Variants in MAP2 observed in about 807,000 individuals in gnomAD.
MAP2 encodes microtubule-associated protein 2.
MAP2 carries 14 observed loss-of-function variants against 137.6 expected under a neutral mutation model. The observed-to-expected ratio is 0.10, with a 90% CI of 0.07 to 0.16. The LOEUF is 0.16. Among genes scored for constraint, MAP2 ranks in the 10% least tolerant of loss-of-function variants. The probability of loss-of-function intolerance (pLI) is 1.00; values close to 1 mark genes in which losing one functional copy is unlikely to be tolerated. For missense variants in MAP2, 2,088 were observed against 2,191.5 expected, an observed-to-expected ratio of 0.95 and a Z score of 0.94; for synonymous variants, 786 against 782.3, an observed-to-expected ratio of 1.00 and a Z score of -0.08.
At chr2:209,621,659 C>T (rs2091237076) in intron 3 of MAP2, among the ~76,000 whole-genome samples, 1 of 152,148 alleles carries the variant, frequency 6.6e-6, no homozygotes, top group Admixed American at 6.6e-5. Context: ...TATCCTGGCT[C>T]AACAATCCAG....
intron 1 of MAP2, among the ~76,000 whole-genome samples, chr2:209,489,126 G>A (rs1195933058): frequency 6.6e-6 from 1 of 152,186 alleles, no homozygotes; most frequent in Non-Finnish European, 1.5e-5. Context: ...TGCAACCTTC[G>A]CTGATGATAC....
At chr2:209,521,685 A>T (rs2063309779) in intron 2 of MAP2, among the ~76,000 whole-genome samples, 1 of 152,072 alleles carries the variant, frequency 6.6e-6, no homozygotes, top group Admixed American at 6.6e-5. Context: ...CCTCTCAAAG[A>T]TAACATCAAA....
intron 12 of MAP2, among the ~76,000 whole-genome samples, chr2:209,709,392 A>C (rs1414266446): frequency 6.6e-6 from 1 of 152,146 alleles, no homozygotes; most frequent in Non-Finnish European, 1.5e-5. Flanking sequence ...CAGTATAAGG[A>C]TATAATATTG....
intron 2 of MAP2, among the ~76,000 whole-genome samples, chr2:209,563,988 C>G (rs1163574524): frequency 6.6e-6 from 1 of 152,020 alleles, no homozygotes; most frequent in Non-Finnish European, 1.5e-5. Context: ...GTTATAAATA[C>G]CATCTTGGAA....
chr2:209,549,971 G>GAAAA (rs2068841247), intron 2 of MAP2, among the ~76,000 whole-genome samples: 4 of 152,180 alleles, frequency 2.6e-5, no homozygotes, highest in Admixed American at 2.6e-4. Flanking sequence ...TCAAATGATG[G>GAAAA]AAAAGGTACT....
Position 209,696,480 on chromosome 2 carries a change from G to C in MAP2, c.4181-62G>C, listed in dbSNP as rs1309067403. 3.3e-6 allele frequency: 5 copies of C among 1,509,550 alleles called. No homozygotes were observed. The East Asian group carries it at 1.1e-4, about 34-fold the overall frequency. 93.5% of individuals were successfully genotyped at this position (1,509,550 alleles called of 1,614,324 possible). A position where few individuals can be genotyped will look rare whatever the true frequency, so the allele number is the denominator to read the frequency against. Reference sequence around the variant, plus strand: ...TTTTGTTAAATATACAAAGGATTTTGTACACTTGTTACTAATGTTTTCACT... The same window carrying C: ...TTTTGTTAAATATACAAAGGATTTTCTACACTTGTTACTAATGTTTTCACT... On this transcript the variant is annotated intron_variant, in intron 8 of 15. Coordinates refer to ENST00000682079, the MANE Select transcript of MAP2 (RefSeq NM_001375505.1).
chr2:209,452,654 G>A (rs148372780), intron 1 of MAP2, among the ~76,000 whole-genome samples: 10 of 152,232 alleles, frequency 6.6e-5, no homozygotes, highest in Non-Finnish European at 1.5e-4. Flanking sequence ...ATTCTGGATA[G>A]CAATATATTT....
chr2:209,502,140 T>C (rs2060456606), intron 1 of MAP2, among the ~76,000 whole-genome samples: 1 of 152,184 alleles, frequency 6.6e-6, no homozygotes, highest in African/African-American at 2.4e-5. Flanking sequence ...AAATTTTCAG[T>C]AGACCTTACA....
intron 1 of MAP2, among the ~76,000 whole-genome samples, chr2:209,461,985 A>C (rs1322737519): frequency 6.6e-6 from 1 of 152,130 alleles, no homozygotes; most frequent in Non-Finnish European, 1.5e-5. Flanking sequence ...TCTCTGGTTT[A>C]GATGCCTTTA....
chr2:209,426,361 T>G (rs1692580652), intron 1 of MAP2, among the ~76,000 whole-genome samples: 1 of 152,306 alleles, frequency 6.6e-6, no homozygotes, highest in South Asian at 2.1e-4. Flanking sequence ...TTATCTCCTC[T>G]CTTATTTTTT....
At chr2:209,601,666 A>T (rs1258824233) in intron 3 of MAP2, among the ~76,000 whole-genome samples, 3 of 152,128 alleles carry the variant, frequency 2.0e-5, no homozygotes, top group African/African-American at 7.2e-5. Context: ...AGAAATGCTA[A>T]TTTATTCTGG....
chr2:209,506,001 C>T (rs181507912), intron 1 of MAP2, among the ~76,000 whole-genome samples: 153 of 151,910 alleles, frequency 1.0e-3, no homozygotes, highest in African/African-American at 3.5e-3. Context: ...AAAAAGAAAA[C>T]ATTTCACCAT....
rs754747611 is a variant in MAP2, at chr2:209,693,648, T to C, written c.1478T>C (p.Met493Thr). 2.5e-6 allele frequency: 4 copies of C among 1,613,922 alleles called. No homozygotes were observed. The South Asian group carries it at 3.3e-5, about 13-fold the overall frequency. ...AAAGACCAAGAGCCTACCACAGATA[T>C]GTTGAAACAGGACTCGTTCCCTGTA... Reference protein sequence around the residue: ...EQKDQEPTTDMLKQDSFPVSL... With the variant: ...EQKDQEPTTDTLKQDSFPVSL... Residue 493 changes from methionine (M) to threonine (T), a missense_variant, in exon 8 of 16, where the codon ATG (methionine) becomes ACG (threonine). Transcript: ENST00000682079.
At chr2:209,717,655 A>C (rs1275531058) in intron 13 of MAP2, among the ~76,000 whole-genome samples, 1 of 152,198 alleles carries the variant, frequency 6.6e-6, no homozygotes, top group Non-Finnish European at 1.5e-5. Flanking sequence ...ACATGTAAGC[A>C]TATTTATAAC....
intron 1 of MAP2, among the ~76,000 whole-genome samples, chr2:209,449,797 A>G (rs1238636034): frequency 1.3e-5 from 2 of 152,120 alleles, no homozygotes; most frequent in Non-Finnish European, 2.9e-5. Flanking sequence ...GTATGTCTGA[A>G]AAGATTTTGT....
At chr2:209,539,711 C>CT (rs539231707) in intron 2 of MAP2, among the ~76,000 whole-genome samples, 33 of 150,096 alleles carry the variant, frequency 2.2e-4, no homozygotes, top group African/African-American at 5.4e-4. Flanking sequence ...TAACAATCTG[C>CT]TTTTTTTTTA....
intron 6 of MAP2, among the ~76,000 whole-genome samples, chr2:209,679,460 C>G (rs1038776357): frequency 2.0e-5 from 3 of 151,932 alleles, no homozygotes; most frequent in African/African-American, 7.3e-5. Context: ...AAAGGAGACT[C>G]TCTTAAATTC....
intron 3 of MAP2, among the ~76,000 whole-genome samples, chr2:209,595,708 A>G (rs60751322): frequency 0.059 from 8,988 of 152,234 alleles, 628 homozygotes; most frequent in South Asian, 0.23. Context: ...GGACACCCAA[A>G]TGTCCACCAG....
At position 209,694,807 on chromosome 2, in the gene MAP2, G is replaced by T; in HGVS notation, c.2637G>T (p.Leu879Phe). 6.2e-7 allele frequency: 1 copy of T among 1,614,156 alleles called. No homozygotes were observed. Among genetic ancestry groups the T allele is most frequent in the Non-Finnish European group, 8.5e-7 (1 of 1,180,028 alleles). Residue 879 changes from leucine to phenylalanine, a missense_variant, in exon 8 of 16, where the codon TTG becomes TTT. Physicochemically the swap from Leu to Phe is conservative, Grantham distance 22. This residue lies in a region of MAP2 where 500 missense variants were observed against 482.9 expected (regional missense o/e 1.04). Transcript: ENST00000682079. ...YCVFNKYTVP[L>F]PSPVQDSENL... Reference sequence around the variant, plus strand: ...TGTTCAATAAGTACACAGTCCCATTGCCATCACCTGTTCAAGACAGTGAGA... The same window carrying T: ...TGTTCAATAAGTACACAGTCCCATTTCCATCACCTGTTCAAGACAGTGAGA...
Sources: allele counts gnomAD v4.1 joint callset (sites outside exome capture counted in the v4.1 genomes callset), GRCh38; gene constraint gnomAD v4.1.1; regional missense constraint gnomAD v4.1.1; transcripts MANE v1.5; gene names NCBI Gene and HGNC (gene_info 2026-07-23, HGNC 2026-07-21).